MSANTD2: variants seen among roughly 807,000 people sequenced by gnomAD.
The protein encoded by MSANTD2 is myb/SANT-like DNA-binding domain-containing protein 2.
In MSANTD2, 19 loss-of-function variants were observed where a neutral mutation model predicts 52.6. The observed-to-expected ratio is 0.36, with a 90% confidence interval of 0.25 to 0.53. The LOEUF is 0.53. MSANTD2 is among the 20% of genes least tolerant of loss of function. The probability of loss-of-function intolerance (pLI) is 0.91; values close to 1 mark genes in which losing one functional copy is unlikely to be tolerated. For synonymous variants in MSANTD2, 291 were observed against 289.7 expected (o/e 1.00, Z -0.04); for missense variants, 558 against 716.3 (o/e 0.78, Z 2.52).
At chr11:124,775,625 C>T (rs1055736607) in intron 1 of MSANTD2, 1 of 152,418 alleles carries the variant, frequency 6.6e-6, no homozygotes, top group Admixed American at 6.5e-5. Flanking sequence ...AGAAACAGTA[C>T]ACTAATACCT....
At chr11:124,793,726 C>T (rs1432725874) in intron 1 of MSANTD2, among the ~76,000 whole-genome samples, 1 of 152,104 alleles carries the variant, frequency 6.6e-6, no homozygotes, top group East Asian at 1.9e-4. Flanking sequence ...CTAGAATATG[C>T]ACTGTTTGCC....
Position 124,767,874 on chromosome 11 carries a change from T to C in MSANTD2, c.982A>G (p.Ile328Val), listed in dbSNP as rs1944361583. The C allele has an allele frequency of 1.2e-6, 2 of 1,614,246 alleles. No homozygotes were observed. Among genetic ancestry groups the C allele is most frequent in the Non-Finnish European group, 1.7e-6 (2 of 1,180,040 alleles). ...CTGATCTCAGCATAATGGTAACGGA[T>C]ATCCTCTTTCCAACGGGTGTTATAA... is the stretch of plus-strand genomic sequence containing the variant. ...IGYNTRWKED[I>V]RYHYAEISSQ... The change falls in exon 4 of 4, where the codon ATC (isoleucine) becomes GTC (valine). Residue 328 changes from isoleucine (I) to valine (V), a missense_variant. Around this residue, in one of 2 missense-constraint regions of MSANTD2, gnomAD observed 408 missense variants for 573.6 expected, o/e 0.71. Coordinates refer to ENST00000374979, the MANE Select transcript of MSANTD2 (RefSeq NM_001308027.2). This position sits in a 1 kb window ranked among gnomAD's most constrained non-coding sequence, Gnocchi z 6.5.
rs143069412 is a variant in MSANTD2, at chr11:124,794,238, CT to C, written c.510+5632del. 1.8e-3 allele frequency among the ~76,000 whole-genome samples: 277 copies of C among 152,312 alleles called. 10 individuals carry two copies. The East Asian group carries it at 0.051, about 28-fold the overall frequency. On this transcript the variant is annotated intron_variant, in intron 1 of 3. Transcript: ENST00000374979. Reference sequence around the variant, plus strand: ...TTAATGAAGTAACCAGAATATTTAACTCCACCCTTCACTGTATTTCCAAAAT... The same window carrying C: ...TTAATGAAGTAACCAGAATATTTAACCCACCCTTCACTGTATTTCCAAAAT...
chr11:124,799,514 G>T (rs1008232979), intron 1 of MSANTD2, among the ~76,000 whole-genome samples: 32 of 152,164 alleles, frequency 2.1e-4, no homozygotes, highest in African/African-American at 7.0e-4. Context: ...GAGCCCCTCC[G>T]CCTGGAACAA....
At chr11:124,782,689 T>C (rs1945021912) in intron 1 of MSANTD2, among the ~76,000 whole-genome samples, 1 of 152,196 alleles carries the variant, frequency 6.6e-6, no homozygotes. Flanking sequence ...TTTATCTATC[T>C]TGGTTGTCTC....
intron 1 of MSANTD2, among the ~76,000 whole-genome samples, chr11:124,781,917 T>A (rs1944989785): frequency 6.6e-6 from 1 of 152,202 alleles, no homozygotes; most frequent in African/African-American, 2.4e-5. Context: ...CCTCCCAAAG[T>A]GCTGGGATTA....
At chr11:124,782,907 T>C (rs537512612) in intron 1 of MSANTD2, among the ~76,000 whole-genome samples, 2 of 152,336 alleles carry the variant, frequency 1.3e-5, no homozygotes, top group East Asian at 1.9e-4. Context: ...CTGAAACCTT[T>C]TGAAAATAGC....
At chr11:124,768,922 T>C (rs73611467) in intron 3 of MSANTD2, among the ~76,000 whole-genome samples, 2,471 of 152,304 alleles carry the variant, frequency 0.016, 68 homozygotes, top group African/African-American at 0.054. Context: ...TATATAAAGT[T>C]TGCTTCTCAA....
In MSANTD2 at chr11:124,799,964, C is replaced by T. The variant is rs1168246325; in HGVS notation, c.417G>A (p.Lys139=). ...LEGAGTVFGS[K]APGPAMYERV... ...GCTCGTACATGGCTGGCCCGGGGGC[C>T]TTGCTGCCGAACACCGTGCCGGCTC... The change falls in exon 1 of 4, where the codon AAG becomes AAA. Residue 139 remains lysine (K), a synonymous_variant. Coordinates refer to ENST00000374979, the MANE Select transcript of MSANTD2 (RefSeq NM_001308027.2). 1.3e-6 allele frequency: 2 copies of T among 1,585,348 alleles called. No individual in the cohort carries two copies. The highest frequency in any genetic ancestry group is 2.7e-5 in the African/African-American group (2 of 73,036).
At chr11:124,787,205 A>G (rs574850621) in intron 1 of MSANTD2, among the ~76,000 whole-genome samples, 3 of 152,346 alleles carry the variant, frequency 2.0e-5, no homozygotes, top group East Asian at 1.9e-4. Flanking sequence ...TAGTTCAAAT[A>G]AAGTAGTGCA....
chr11:124,767,400 G>C lies in MSANTD2; in HGVS notation c.1456C>G (p.Gln486Glu). The C allele has an allele frequency of 6.2e-7, 1 of 1,614,210 alleles. No individual in the cohort carries two copies. The highest frequency in any genetic ancestry group is 1.1e-5 in the South Asian group (1 of 91,086). The stretch of plus-strand genomic sequence containing the variant: ...TGGAAATGTAAAAATAAGCACTGCT[G>C]TAGAGTCCTGACCTCAGCAATCCCG... The part of the protein sequence containing the change: ...YLGIAEVRTL[Q>E]QCLFLHFQAN... Residue 486 changes from glutamine to glutamate, a missense_variant, in exon 4 of 4, where the codon CAG becomes GAG. Around this residue, in one of 2 missense-constraint regions of MSANTD2, gnomAD observed 408 missense variants for 573.6 expected, o/e 0.71. Transcript: ENST00000374979. The surrounding 1 kb of genome is among the most constrained non-coding windows in gnomAD (Gnocchi z 6.5).
intron 1 of MSANTD2, among the ~76,000 whole-genome samples, chr11:124,796,342 G>T (rs1292829679): frequency 6.6e-6 from 1 of 152,156 alleles, no homozygotes; most frequent in African/African-American, 2.4e-5. Context: ...GAAATTATCT[G>T]ACTAAAGGAA....
chr11:124,766,772 A>AT lies in MSANTD2; in HGVS notation c.*403dup, dbSNP rs1175353898. 1.2e-5 allele frequency: 2 copies of AT among 160,522 alleles called. No homozygotes were observed. Among genetic ancestry groups the AT allele is most frequent in the African/African-American group, 4.8e-5 (2 of 41,556 alleles). 9.9% of individuals were successfully genotyped at this position (160,522 alleles called of 1,614,324 possible). On this transcript the variant is annotated 3_prime_UTR_variant, in exon 4 of 4. Coordinates refer to ENST00000374979, the MANE Select transcript of MSANTD2 (RefSeq NM_001308027.2). ...TTGTAAATATTACTTATATAGAGAC[A>AT]TAGAGATGTGTAAAAATGAAACATT...
intron 1 of MSANTD2, among the ~76,000 whole-genome samples, chr11:124,797,283 G>A (rs1461644026): frequency 6.6e-6 from 1 of 152,158 alleles, no homozygotes; most frequent in Non-Finnish European, 1.5e-5. Context: ...CTAGGAGTTT[G>A]AGACCAGTCT....
chr11:124,775,028 T>A, intron 1 of MSANTD2, 54 bp from the exon 2 acceptor site: 2 of 1,476,704 alleles, frequency 1.4e-6, no homozygotes, highest in South Asian at 1.3e-5. Flanking sequence ...CTCTTCCAGG[T>A]ACGGACCACA....
intron 1 of MSANTD2, chr11:124,791,409 A>G (rs1945328935): frequency 7.5e-7 from 1 of 1,331,370 alleles, no homozygotes; most frequent in East Asian, 2.3e-5. Context: ...CTTAGAACTC[A>G]GTGTACAGGG....
intron 1 of MSANTD2, 33 bp downstream of exon 1, chr11:124,799,838 T>TG (rs1945631482): frequency 6.6e-7 from 1 of 1,521,872 alleles, no homozygotes. Context: ...TCTCTGCCTC[T>TG]GGTTCGCTGC....
intron 3 of MSANTD2, among the ~76,000 whole-genome samples, chr11:124,770,150 T>G (rs943299138): frequency 3.3e-5 from 5 of 152,236 alleles, no homozygotes; most frequent in Admixed American, 1.3e-4. Context: ...ATGAAATCCA[T>G]AAAATTTGAG....
chr11:124,767,786 C>A lies in MSANTD2; in HGVS notation c.1070G>T (p.Arg357Leu). The change falls in exon 4 of 4, where the codon CGG becomes CTG. Residue 357 changes from arginine to leucine, a missense_variant. Around this residue, in one of 2 missense-constraint regions of MSANTD2, gnomAD observed 408 missense variants for 573.6 expected, o/e 0.71. Coordinates refer to ENST00000374979, the MANE Select transcript of MSANTD2 (RefSeq NM_001308027.2). This position sits in a 1 kb window ranked among gnomAD's most constrained non-coding sequence, Gnocchi z 6.5. ...EYFNSEKPEG[R>L]IIMTRVQKMN... ...TTTCTGCACTCGGGTCATAATGATCCGTCCTTCAGGCTTCTCAGAGTTGAA... is the reference window on the plus strand; with the variant it reads ...TTTCTGCACTCGGGTCATAATGATCAGTCCTTCAGGCTTCTCAGAGTTGAA... The A allele has an allele frequency of 6.2e-7, 1 of 1,614,188 alleles. No homozygotes were observed. Among genetic ancestry groups the A allele is most frequent in the Non-Finnish European group, 8.5e-7 (1 of 1,180,030 alleles).
Sources: gnomAD v4.1 joint callset for allele counts (sites outside exome capture counted in the v4.1 genomes callset) on GRCh38, gnomAD v4.1.1 for gene constraint, gnomAD v4.1.1 regional missense constraint, Gnocchi (gnomAD v3.1) non-coding constraint, MANE v1.5 for transcripts, NCBI Gene and HGNC (gene_info 2026-07-23, HGNC 2026-07-21) for gene names.